EPM2A: variants seen among roughly 807,000 people sequenced by gnomAD.
EPM2A encodes laforin.
EPM2A carries 21 observed loss-of-function variants against 26.5 expected under a neutral mutation model. The ratio of observed to expected loss-of-function variants is 0.79; its 90% confidence interval spans 0.56 to 1.14. The LOEUF (loss-of-function observed/expected upper bound fraction) is 1.14. EPM2A is among the 50% of genes most tolerant of loss of function. The probability of loss-of-function intolerance (pLI) is 0.00; values close to 1 mark genes in which losing one functional copy is unlikely to be tolerated. For synonymous variants in EPM2A, 217 were observed against 177.6 expected (o/e 1.22, Z -1.76); for missense variants, 458 against 440.8 (o/e 1.04, Z -0.35).
At chr6:145,451,955 T>C (rs749970360) in intron 4 of EPM2A, among the ~76,000 whole-genome samples, 2 of 152,208 alleles carry the variant, frequency 1.3e-5, no homozygotes, top group Non-Finnish European at 2.9e-5. Context: ...AAACCACGGA[T>C]AGAATGCTTC....
chr6:145,694,907 G>A (rs1285781188), intron 1 of EPM2A, among the ~76,000 whole-genome samples: 1 of 151,838 alleles, frequency 6.6e-6, no homozygotes, highest in East Asian at 1.9e-4. Context: ...CTGTCTTATG[G>A]GAATTATTAA....
intron 2 of EPM2A, among the ~76,000 whole-genome samples, chr6:145,611,714 T>C (rs565534055): frequency 6.6e-6 from 1 of 152,258 alleles, no homozygotes; most frequent in East Asian, 1.9e-4. Flanking sequence ...TAGTTGTAAG[T>C]TTTATTTATT....
chr6:145,706,939 T>C (rs1782255714), intron 1 of EPM2A, among the ~76,000 whole-genome samples: 1 of 152,166 alleles, frequency 6.6e-6, no homozygotes, highest in Admixed American at 6.5e-5. Flanking sequence ...GGCTCCACCC[T>C]CATTAGTGGG....
intron 2 of EPM2A, among the ~76,000 whole-genome samples, chr6:145,555,094 C>T (rs1780710536): frequency 6.6e-6 from 1 of 152,088 alleles, no homozygotes; most frequent in African/African-American, 2.4e-5. Flanking sequence ...TGATCACAGG[C>T]TCAGTTCTTC....
chr6:145,460,523 T>A (rs1779316000), intron 4 of EPM2A, among the ~76,000 whole-genome samples: 1 of 152,134 alleles, frequency 6.6e-6, no homozygotes, highest in South Asian at 2.1e-4. Flanking sequence ...CACACTGGGT[T>A]AGTGCACAGT....
chr6:145,542,240 G>C (rs1780522806), intron 2 of EPM2A, among the ~76,000 whole-genome samples: 1 of 152,172 alleles, frequency 6.6e-6, no homozygotes. Flanking sequence ...TGGGATGCTT[G>C]CATCCACCTT....
intron 2 of EPM2A, among the ~76,000 whole-genome samples, chr6:145,599,737 G>A (rs766919515): frequency 2.0e-5 from 3 of 151,786 alleles, no homozygotes; most frequent in Non-Finnish European, 4.4e-5. Context: ...TATATAATTA[G>A]AGTCCTTTGA....
intron 2 of EPM2A, among the ~76,000 whole-genome samples, chr6:145,653,069 A>G (rs1188112114): frequency 1.3e-5 from 2 of 152,238 alleles, no homozygotes; most frequent in Admixed American, 1.3e-4. Flanking sequence ...GAGATGTACA[A>G]TAATCATCAA....
intron 2 of EPM2A, among the ~76,000 whole-genome samples, chr6:145,536,965 G>C (rs914694813): frequency 6.6e-6 from 1 of 152,158 alleles, no homozygotes; most frequent in African/African-American, 2.4e-5. Flanking sequence ...AAAGCTGTAG[G>C]TGGGCTCATG....
At chr6:145,567,897 A>G (rs772953175) in intron 2 of EPM2A, among the ~76,000 whole-genome samples, 1 of 152,092 alleles carries the variant, frequency 6.6e-6, no homozygotes, top group Non-Finnish European at 1.5e-5. Flanking sequence ...GGATTTATGT[A>G]TTTCCTACTT....
chr6:145,662,221 C>T, intron 2 of EPM2A, among the ~76,000 whole-genome samples: 1 of 152,132 alleles, frequency 6.6e-6, no homozygotes, highest in Admixed American at 6.5e-5. Context: ...AAACTGTAAA[C>T]ATACAAGTAG....
intron 2 of EPM2A, among the ~76,000 whole-genome samples, chr6:145,672,134 A>G: frequency 6.6e-6 from 1 of 152,226 alleles, no homozygotes; most frequent in Non-Finnish European, 1.5e-5. Context: ...TCATTCTAGC[A>G]TGAAAGAATC....
chr6:145,705,346 T>C (rs1048875288), intron 1 of EPM2A, among the ~76,000 whole-genome samples: 5 of 151,948 alleles, frequency 3.3e-5, no homozygotes, highest in African/African-American at 1.2e-4. Context: ...GATACAGATA[T>C]ATAGATATAT....
chr6:145,556,362 T>C (rs1780728301), intron 2 of EPM2A, among the ~76,000 whole-genome samples: 1 of 152,122 alleles, frequency 6.6e-6, no homozygotes, highest in Non-Finnish European at 1.5e-5. Context: ...TTATTTCTGA[T>C]GAGCAGAGAA....
At chr6:145,474,115 C>A (rs1010672628) in intron 4 of EPM2A, among the ~76,000 whole-genome samples, 1 of 152,094 alleles carries the variant, frequency 6.6e-6, no homozygotes, top group Admixed American at 6.6e-5. Flanking sequence ...AACAATTTTT[C>A]AAGATATAGT....
chr6:145,541,051 G>A (rs1264960991), intron 2 of EPM2A, among the ~76,000 whole-genome samples: 2 of 151,886 alleles, frequency 1.3e-5, no homozygotes, highest in East Asian at 1.9e-4. Flanking sequence ...ATACATGCAC[G>A]CATTCCATTT....
In EPM2A at chr6:145,686,228, G is replaced by T. The variant is rs1190118207; in HGVS notation, c.370C>A (p.Leu124Ile). Residue 124 changes from leucine to isoleucine, a missense_variant, in exon 2 of 4, where the codon CTC becomes ATC. Transcript: ENST00000367519. ...ENNLVDGVYC[L>I]PIGHWIEATG... ...GCCTCAATCCAGTGTCCTATTGGGA[G>T]ACAATACACACCATCCACCAAGTTG... is the stretch of plus-strand genomic sequence containing the variant. 6.2e-7 allele frequency: 1 copy of T among 1,613,524 alleles called. No individual in the cohort carries two copies. The highest frequency in any genetic ancestry group is 8.5e-7 in the Non-Finnish European group (1 of 1,179,598).
chr6:145,433,312 T>C (rs541309516), intron 4 of EPM2A, among the ~76,000 whole-genome samples: 55 of 152,322 alleles, frequency 3.6e-4, no homozygotes, highest in African/African-American at 1.3e-3. Flanking sequence ...GCTTTTTATT[T>C]AAAGTGAGAA....
In EPM2A at chr6:145,625,674, T is replaced by C. The variant is rs774763720; in HGVS notation, c.*1742A>G. On this transcript the variant is annotated 3_prime_UTR_variant, in exon 4 of 4. Coordinates refer to ENST00000367519, the MANE Select transcript of EPM2A (RefSeq NM_005670.4). ...GACTTCACTTTACTTAATGCTAGCT[T>C]ATAAATTTAACTTTGTAAAATTATA... 22 of 753,504 alleles carry C rather than the reference T, an allele frequency of 2.9e-5. No homozygotes were observed. In the Admixed American group the frequency reaches 3.9e-4, roughly 13 times the overall value. 46.7% of individuals were successfully genotyped at this position (753,504 alleles called of 1,614,324 possible). A position where few individuals can be genotyped will look rare whatever the true frequency, so the allele number is the denominator to read the frequency against.
Sources: allele counts gnomAD v4.1 joint callset (sites outside exome capture counted in the v4.1 genomes callset), GRCh38; gene constraint gnomAD v4.1.1; transcripts MANE v1.5; gene names NCBI Gene and HGNC (gene_info 2026-07-23, HGNC 2026-07-21).